GRIP1: variants seen among roughly 807,000 people sequenced by gnomAD.
GRIP1 encodes glutamate receptor-interacting protein 1.
A neutral mutation model predicts 129.9 loss-of-function variants in GRIP1; 45 were observed. The observed-to-expected ratio is 0.35, with a 90% CI of 0.27 to 0.44. GRIP1 has a LOEUF of 0.44. Among genes scored for constraint, GRIP1 ranks in the 20% least tolerant of loss-of-function variants. The pLI is 1.00. For missense variants in GRIP1, 1,196 were observed against 1,396.8 expected, an observed-to-expected ratio of 0.86 and a Z score of 2.29; for synonymous variants, 530 against 520.8, an observed-to-expected ratio of 1.02 and a Z score of -0.24.
chr12:67,055,063 G>C (rs147342878), intron 1 of GRIP1, among the ~76,000 whole-genome samples: 7 of 152,160 alleles, frequency 4.6e-5, no homozygotes, highest in Non-Finnish European at 8.8e-5. Context: ...ACTGGACTAG[G>C]TTCAAGAGAG....
At chr12:66,927,571 C>T (rs1300398368) in intron 1 of GRIP1, among the ~76,000 whole-genome samples, 1 of 152,136 alleles carries the variant, frequency 6.6e-6, no homozygotes, top group Non-Finnish European at 1.5e-5. Context: ...TGTTTCCAGC[C>T]ACGGGAAGGA....
intron 1 of GRIP1, among the ~76,000 whole-genome samples, chr12:66,912,887 T>A (rs1479599858): frequency 1.3e-5 from 2 of 152,172 alleles, no homozygotes; most frequent in African/African-American, 4.8e-5. Flanking sequence ...CAGGTGTGGC[T>A]GTTACAGGAT....
At chr12:66,988,009 C>G (rs2042338864) in intron 1 of GRIP1, among the ~76,000 whole-genome samples, 1 of 152,082 alleles carries the variant, frequency 6.6e-6, no homozygotes, top group African/African-American at 2.4e-5. Flanking sequence ...TCATTTAGCC[C>G]CCAAGGTCTC....
chr12:66,804,189 T>C (rs1480864061), upstream of GRIP1: 1 of 454,950 alleles, frequency 2.2e-6, no homozygotes, highest in Non-Finnish European at 4.4e-6. Flanking sequence ...GGTCCATCTC[T>C]TACTCACCGT....
intron 1 of GRIP1, among the ~76,000 whole-genome samples, chr12:66,798,804 A>G (rs993087894): frequency 6.6e-6 from 1 of 152,178 alleles, no homozygotes; most frequent in African/African-American, 2.4e-5. Context: ...CTGTAAATAT[A>G]ATATCATATT....
At chr12:67,006,863 C>A (rs2042634890) in intron 1 of GRIP1, among the ~76,000 whole-genome samples, 1 of 152,222 alleles carries the variant, frequency 6.6e-6, no homozygotes, top group African/African-American at 2.4e-5. Flanking sequence ...CAAATACATG[C>A]ATGGGCAATG....
chr12:66,823,123 A>C (rs1236141280), intron 1 of GRIP1, among the ~76,000 whole-genome samples: 5 of 152,288 alleles, frequency 3.3e-5, no homozygotes, highest in African/African-American at 1.2e-4. Flanking sequence ...TAACCTCTCT[A>C]GACTTGTTTT....
At chr12:66,631,983 G>A (rs1256675051) in intron 1 of GRIP1, among the ~76,000 whole-genome samples, 1 of 152,186 alleles carries the variant, frequency 6.6e-6, no homozygotes, top group Non-Finnish European at 1.5e-5. Flanking sequence ...AAGGGGAGGT[G>A]AGAATACTGA....
chr12:66,420,599 GC>G lies in GRIP1; in HGVS notation c.1838+120del, dbSNP rs1156623947. On this transcript the variant is annotated intron_variant, in intron 15 of 24. Coordinates refer to ENST00000359742, the MANE Select transcript of GRIP1 (RefSeq NM_001366722.1). ...CAAATATGATCAATTAATAGTGGCT[GC>G]TTGGAAGTTTTTGAAAATACAGTGA... 21 of 721,672 alleles carry G rather than the reference GC, an allele frequency of 2.9e-5. No homozygotes were observed. The Admixed American group carries it at 3.9e-4, about 13-fold the overall frequency. 44.7% of individuals were successfully genotyped at this position (721,672 alleles called of 1,614,324 possible).
chr12:66,489,068 C>A (rs1250470432), intron 7 of GRIP1, among the ~76,000 whole-genome samples: 1 of 152,138 alleles, frequency 6.6e-6, no homozygotes, highest in Non-Finnish European at 1.5e-5. Context: ...ACCATTTTTA[C>A]TGAAAGTATT....
intron 1 of GRIP1, among the ~76,000 whole-genome samples, chr12:66,609,714 C>G (rs1353104116): frequency 3.9e-5 from 6 of 152,126 alleles, no homozygotes; most frequent in African/African-American, 1.4e-4. Flanking sequence ...TTCAATTCCA[C>G]AAAATGTGAT....
intron 1 of GRIP1, among the ~76,000 whole-genome samples, chr12:66,750,301 G>A (rs2037084246): frequency 6.6e-6 from 1 of 152,166 alleles, no homozygotes; most frequent in African/African-American, 2.4e-5. Flanking sequence ...ATCCCACAGA[G>A]AAGCATGCTG....
intron 11 of GRIP1, among the ~76,000 whole-genome samples, chr12:66,454,876 A>G (rs1333476901): frequency 2.0e-5 from 3 of 152,220 alleles, no homozygotes; most frequent in Admixed American, 2.0e-4. Context: ...GGAATGAGAT[A>G]TAGTTTAAAA....
chr12:66,520,743 G>A (rs4144463), intron 5 of GRIP1, among the ~76,000 whole-genome samples: 71,976 of 151,992 alleles, frequency 0.47, 17,279 homozygotes, highest in African/African-American at 0.56. Context: ...TTTATTTCTT[G>A]ATAATAAATT....
At chr12:66,393,830 G>T (rs1319690665) in intron 17 of GRIP1, among the ~76,000 whole-genome samples, 1 of 152,114 alleles carries the variant, frequency 6.6e-6, no homozygotes, top group Non-Finnish European at 1.5e-5. Context: ...AGCTAAGTGT[G>T]GCACCTGTCA....
chr12:66,808,792 A>G (rs2039047711), upstream of GRIP1, among the ~76,000 whole-genome samples: 1 of 152,126 alleles, frequency 6.6e-6, no homozygotes, highest in Admixed American at 6.5e-5. Flanking sequence ...CCATTTAGCT[A>G]GAGTCCCTCC....
chr12:66,853,125 G>A (rs953389845), intron 1 of GRIP1, among the ~76,000 whole-genome samples: 4 of 151,514 alleles, frequency 2.6e-5, no homozygotes, highest in African/African-American at 9.7e-5. Flanking sequence ...CCAAACGTGA[G>A]GAGCTTTTTC....
intron 1 of GRIP1, among the ~76,000 whole-genome samples, chr12:66,982,618 G>T (rs931228849): frequency 3.9e-5 from 6 of 152,168 alleles, no homozygotes; most frequent in African/African-American, 1.4e-4. Flanking sequence ...GTGAGAAACT[G>T]CAGCTTTCAG....
At chr12:66,426,837 G>C (rs1178875304) in intron 14 of GRIP1, among the ~76,000 whole-genome samples, 3 of 152,126 alleles carry the variant, frequency 2.0e-5, no homozygotes, top group Non-Finnish European at 4.4e-5. Flanking sequence ...TAAGCTTCCT[G>C]GGGGAAGAAG....
Sources: allele counts gnomAD v4.1 joint callset (sites outside exome capture counted in the v4.1 genomes callset), GRCh38; gene constraint gnomAD v4.1.1; transcripts MANE v1.5; gene names NCBI Gene and HGNC (gene_info 2026-07-23, HGNC 2026-07-21).